The following SNX31 variants were observed in gnomAD, a reference collection of about 807,000 sequenced individuals.
SNX31 encodes the protein sorting nexin-31.
Under a neutral mutation model 65.4 loss-of-function variants are expected in SNX31, and 58 were observed. The observed-to-expected ratio is 0.89, with a 90% confidence interval of 0.72 to 1.10. The LOEUF is 1.10. Ranked by LOEUF, SNX31 falls within the 50% of genes least tolerant of loss-of-function variation. The pLI is 0.00. For missense variants in SNX31, 523 were observed against 529.7 expected (o/e 0.99, Z 0.12); for synonymous variants, 181 against 190.1 (o/e 0.95, Z 0.39).
intron 2 of SNX31, among the ~76,000 whole-genome samples, chr8:100,641,513 C>T (rs1221943769): frequency 7.7e-6 from 1 of 130,008 alleles, no homozygotes; most frequent in Non-Finnish European, 1.6e-5. Context: ...CCACTGCGCT[C>T]CAGCCTGGGC....
At position 100,660,052 on chromosome 8, in the gene SNX31, T is replaced by A. The variant is rs145761657; in HGVS notation, c.-58+3090A>T. On this transcript the variant is annotated intron_variant, in intron 1 of 5. Coordinates refer to the SNX31 transcript ENST00000520352. This position sits in a 1 kb window ranked among gnomAD's most constrained non-coding sequence, Gnocchi z 4.1. ...TTAGGAACTACAGGAGAAAAAAGAA[T>A]GAAAATATGATTAAGATCACTCTTT... Among the ~76,000 whole-genome samples, 194 of 152,318 alleles carry A rather than the reference T, an allele frequency of 1.3e-3. No individual in the cohort carries two copies. The highest frequency in any genetic ancestry group is 4.4e-3 in the African/African-American group (185 of 41,574).
intron 2 of SNX31, among the ~76,000 whole-genome samples, chr8:100,641,046 C>A (rs1819136381): frequency 6.6e-6 from 1 of 151,958 alleles, no homozygotes; most frequent in Non-Finnish European, 1.5e-5. Context: ...TATATGGAAA[C>A]CCTCTGTCCT....
At chr8:100,587,382 G>A (rs768336499) in intron 11 of SNX31, among the ~76,000 whole-genome samples, 33 of 152,180 alleles carry the variant, frequency 2.2e-4, no homozygotes, top group Admixed American at 1.9e-3. Context: ...GATCTCCTGT[G>A]ACTAGTAACA....
At chr8:100,637,116 C>T (rs1226182136) in intron 2 of SNX31, among the ~76,000 whole-genome samples, 2 of 152,224 alleles carry the variant, frequency 1.3e-5, no homozygotes, top group African/African-American at 2.4e-5. Flanking sequence ...CCAGGCCCTT[C>T]TCTCCCACTT....
At chr8:100,574,404 C>T (rs1301211779) in intron 13 of SNX31, among the ~76,000 whole-genome samples, 7 of 152,106 alleles carry the variant, frequency 4.6e-5, no homozygotes, top group African/African-American at 9.7e-5. Flanking sequence ...GAGGCCAAGG[C>T]GGGCAGATCA....
chr8:100,629,200 C>T lies in SNX31; in HGVS notation c.321+1127G>A, dbSNP rs1361700969. Among the ~76,000 whole-genome samples the T allele has an allele frequency of 6.6e-6, 1 of 151,978 alleles. No individual in the cohort carries two copies. Among genetic ancestry groups the T allele is most frequent in the African/African-American group, 2.4e-5 (1 of 41,358 alleles). The stretch of plus-strand genomic sequence containing the variant: ...ACATATATATGTATATATATGCATG[C>T]TTATATATGTGCAGAAATGTGTAGC... On this transcript the variant is annotated intron_variant, in intron 4 of 13. Coordinates refer to ENST00000311812, the MANE Select transcript of SNX31 (RefSeq NM_152628.4). The surrounding 1 kb of genome is among the most constrained non-coding windows in gnomAD (Gnocchi z 5.1).
intron 8 of SNX31, among the ~76,000 whole-genome samples, chr8:100,601,081 T>A (rs1815581699): frequency 6.6e-6 from 1 of 152,172 alleles, no homozygotes; most frequent in Non-Finnish European, 1.5e-5. Context: ...AAAAAATATA[T>A]TGATAAGGTC....
At position 100,612,172 on chromosome 8, in the gene SNX31, C is replaced by T; in HGVS notation, c.524-85G>A. 1 of 796,064 alleles carries T rather than the reference C, an allele frequency of 1.3e-6. No individual in the cohort carries two copies. The highest frequency in any genetic ancestry group is 1.7e-5 in the African/African-American group (1 of 57,700). The allele number at this position is 796,064 out of a possible 1,614,324, so 49.3% of individuals were successfully genotyped here. A position where few individuals can be genotyped will look rare whatever the true frequency, so the allele number is the denominator to read the frequency against. On this transcript the variant is annotated intron_variant, in intron 6 of 13. Coordinates refer to ENST00000311812, the MANE Select transcript of SNX31 (RefSeq NM_152628.4). The surrounding 1 kb of genome is among the most constrained non-coding windows in gnomAD (Gnocchi z 4.3). ...CAGCTTTCAAATGAGAAAATAAAACCTTATTATTGGAAATAATAAAATCAC... is the reference window on the plus strand; with the variant it reads ...CAGCTTTCAAATGAGAAAATAAAACTTTATTATTGGAAATAATAAAATCAC...
At position 100,625,468 on chromosome 8, in the gene SNX31, A is replaced by T. The variant is rs939472017; in HGVS notation, c.321+4859T>A. On this transcript the variant is annotated intron_variant, in intron 4 of 13. Transcript: ENST00000311812. The surrounding 1 kb of genome is among the most constrained non-coding windows in gnomAD (Gnocchi z 4.2). The stretch of plus-strand genomic sequence containing the variant: ...GCACACCGATCTCCTTGAAAAATTA[A>T]AAGATTTCTCCAGTTGTTAAATTCA... Among the ~76,000 whole-genome samples, 7 of 152,170 alleles carry T rather than the reference A, an allele frequency of 4.6e-5. No individual in the cohort carries two copies. The highest frequency in any genetic ancestry group is 3.3e-4 in the Admixed American group (5 of 15,276).
Position 100,576,727 on chromosome 8 carries a change from GA to G in SNX31, c.1227+291del, listed in dbSNP as rs1813078030. ...CTAGATATGTAACATATACAAATTA[GA>G]AAGAGAGTTGCCTCCAAAAAGTGCA... is the stretch of plus-strand genomic sequence containing the variant. On this transcript the variant is annotated intron_variant, in intron 13 of 13. Transcript: ENST00000311812. The surrounding 1 kb of genome is among the most constrained non-coding windows in gnomAD (Gnocchi z 4.8). 6.6e-6 allele frequency among the ~76,000 whole-genome samples: 1 copy of G among 152,058 alleles called. No individual in the cohort carries two copies. The highest frequency in any genetic ancestry group is 2.4e-5 in the African/African-American group (1 of 41,404).
rs1056879458 is a variant in SNX31 at position 100,630,668 on chromosome 8, G to C, written c.257-277C>G. Among the ~76,000 whole-genome samples the C allele has an allele frequency of 5.3e-5, 8 of 152,182 alleles. No individual in the cohort carries two copies. Among genetic ancestry groups the C allele is most frequent in the African/African-American group, 1.9e-4 (8 of 41,434 alleles). The stretch of plus-strand genomic sequence containing the variant: ...ACCCATACTACTGAACATCCATTTT[G>C]CTGCCCTACCAGGATGATAATGAAG... On this transcript the variant is annotated intron_variant, in intron 3 of 13. Coordinates refer to ENST00000311812, the MANE Select transcript of SNX31 (RefSeq NM_152628.4). This position sits in a 1 kb window ranked among gnomAD's most constrained non-coding sequence, Gnocchi z 5.3.
rs908491664 is a variant in SNX31 at position 100,613,648 on chromosome 8, C to A, written c.433-563G>T. 3.3e-5 allele frequency among the ~76,000 whole-genome samples: 5 copies of A among 152,204 alleles called. No individual in the cohort carries two copies. The highest frequency in any genetic ancestry group is 7.3e-5 in the Non-Finnish European group (5 of 68,040). On this transcript the variant is annotated intron_variant, in intron 5 of 13. Coordinates refer to ENST00000311812, the MANE Select transcript of SNX31 (RefSeq NM_152628.4). The surrounding 1 kb of genome is among the most constrained non-coding windows in gnomAD (Gnocchi z 5.2). ...TACTAGGATGTTTGCAAAATGAAAA[C>A]CTCAGATGCCAGGCACAGGTTGCCT...
intron 2 of SNX31, among the ~76,000 whole-genome samples, chr8:100,641,595 T>TACATAC (rs1554587423): frequency 4.5e-5 from 1 of 22,108 alleles, no homozygotes; most frequent in African/African-American, 3.1e-4. Context: ...TATATATATA[T>TACATAC]ACACATACAC....
intron 12 of SNX31, among the ~76,000 whole-genome samples, chr8:100,580,825 T>C (rs1233322540): frequency 6.6e-6 from 1 of 152,238 alleles, no homozygotes; most frequent in Non-Finnish European, 1.5e-5. Flanking sequence ...TGTTTTCTAT[T>C]ACATGCAGCA....
At chr8:100,574,447 C>T (rs1288292088) in intron 13 of SNX31, among the ~76,000 whole-genome samples, 5 of 152,056 alleles carry the variant, frequency 3.3e-5, no homozygotes, top group East Asian at 1.9e-4. Flanking sequence ...CCCTGGCCAA[C>T]GTGGTGAAAC....
In SNX31 at chr8:100,626,032, G is replaced by A; in HGVS notation, c.321+4295C>T. Among the ~76,000 whole-genome samples, 1 of 152,096 alleles carries A rather than the reference G, an allele frequency of 6.6e-6. No individual in the cohort carries two copies. The highest frequency in any genetic ancestry group is 2.1e-4 in the South Asian group (1 of 4,818). On this transcript the variant is annotated intron_variant, in intron 4 of 13. Transcript: ENST00000311812. This position sits in a 1 kb window ranked among gnomAD's most constrained non-coding sequence, Gnocchi z 4.4. Reference sequence around the variant, plus strand: ...ACCTGAGGTCAGGAGTTCAAGACCAGCCTGACCAACATGGAGAAACCCCAT... The same window carrying A: ...ACCTGAGGTCAGGAGTTCAAGACCAACCTGACCAACATGGAGAAACCCCAT...
intron 2 of SNX31, among the ~76,000 whole-genome samples, chr8:100,639,732 T>G (rs139714771): frequency 6.6e-6 from 1 of 152,198 alleles, no homozygotes; most frequent in Non-Finnish European, 1.5e-5. Context: ...GCAACAACAC[T>G]CCAGTAACAA....
chr8:100,652,516 G>A (rs539017826), upstream of SNX31, among the ~76,000 whole-genome samples: 1 of 152,252 alleles, frequency 6.6e-6, no homozygotes, highest in South Asian at 2.1e-4. Flanking sequence ...ACCTTATGGA[G>A]CCTAAGCTTA....
chr8:100,620,869 G>A (rs1817633573), intron 4 of SNX31, among the ~76,000 whole-genome samples: 2 of 152,180 alleles, frequency 1.3e-5, no homozygotes, highest in Admixed American at 1.3e-4. Context: ...GGAGGCTGAG[G>A]TGGGCGGATC....
Sources: gnomAD v4.1 joint callset for allele counts (sites outside exome capture counted in the v4.1 genomes callset) on GRCh38, gnomAD v4.1.1 for gene constraint, Gnocchi (gnomAD v3.1) non-coding constraint, MANE v1.5 for transcripts, NCBI Gene and HGNC (gene_info 2026-07-23, HGNC 2026-07-21) for gene names.